The following PCDH15 variants were observed in gnomAD, a reference collection of about 807,000 sequenced individuals.
The protein encoded by PCDH15 is protocadherin related 15.
PCDH15 carries 129 observed loss-of-function variants against 178.5 expected under a neutral mutation model. The ratio of observed to expected loss-of-function variants is 0.72; its 90% CI spans 0.63 to 0.84. The LOEUF is 0.84. PCDH15 is among the 40% of genes least tolerant of loss of function. PCDH15 has a pLI of 0.00. For missense variants in PCDH15, 2,230 were observed against 2,099.9 expected, an observed-to-expected ratio of 1.06 and a Z score of -1.21; for synonymous variants, 800 against 732.0, an observed-to-expected ratio of 1.09 and a Z score of -1.50.
At chr10:54,193,033 T>C (rs2049191521) in intron 11 of PCDH15, among the ~76,000 whole-genome samples, 1 of 152,154 alleles carries the variant, frequency 6.6e-6, no homozygotes, top group Non-Finnish European at 1.5e-5. Context: ...CCAAGATCTG[T>C]CTAAATCCAA....
chr10:54,493,434 T>G (rs2079800261), intron 3 of PCDH15, among the ~76,000 whole-genome samples: 1 of 152,030 alleles, frequency 6.6e-6, no homozygotes, highest in Non-Finnish European at 1.5e-5. Flanking sequence ...ATTGGCATAT[T>G]GTATCCTGTC....
At chr10:54,140,517 G>T (rs2043299387) in intron 14 of PCDH15, among the ~76,000 whole-genome samples, 1 of 151,420 alleles carries the variant, frequency 6.6e-6, no homozygotes, top group Non-Finnish European at 1.5e-5. Context: ...TTGCCAGGAT[G>T]GAGTGCAGTG....
chr10:54,196,275 T>C (rs2049635522), intron 10 of PCDH15, among the ~76,000 whole-genome samples: 2 of 152,116 alleles, frequency 1.3e-5, no homozygotes, highest in Non-Finnish European at 2.9e-5. Flanking sequence ...CCCAAGTAGC[T>C]GGGACTACAG....
At position 55,178,818 on chromosome 10, in the gene PCDH15, C is replaced by T. The variant is rs542901906; in HGVS notation, c.-155-12167G>A. Among the ~76,000 whole-genome samples, 338 of 152,220 alleles carry T rather than the reference C, an allele frequency of 2.2e-3. 1 individual carries two copies. The highest frequency in any genetic ancestry group is 3.6e-3 in the Non-Finnish European group (246 of 68,008). On this transcript the variant is annotated intron_variant, in intron 1 of 5. Transcript: ENST00000458638. ...CATTCTGTTCCTCACCATTAGGTGT[C>T]TTTGCCAAGGACCCCTAATCCTGAA...
chr10:54,024,966 A>T (rs2093038671), intron 18 of PCDH15, among the ~76,000 whole-genome samples: 1 of 152,166 alleles, frequency 6.6e-6, no homozygotes, highest in African/African-American at 2.4e-5. Context: ...TAATACCCTT[A>T]AAAATTTCAG....
chr10:55,234,315 GAGC>G (rs1462036646), intron 1 of PCDH15, among the ~76,000 whole-genome samples: 2 of 151,914 alleles, frequency 1.3e-5, no homozygotes, highest in African/African-American at 4.8e-5. Flanking sequence ...TGTTTTGTAA[GAGC>G]AGATCTTCAT....
intron 7 of PCDH15, among the ~76,000 whole-genome samples, chr10:54,327,606 C>T (rs994379737): frequency 6.6e-5 from 10 of 151,948 alleles, no homozygotes; most frequent in African/African-American, 2.4e-4. Flanking sequence ...TATACACATA[C>T]ACATTCTGTG....
At chr10:53,838,925 C>T (rs112145043) in intron 29 of PCDH15, among the ~76,000 whole-genome samples, 1 of 138,424 alleles carries the variant, frequency 7.2e-6, no homozygotes, top group African/African-American at 2.7e-5. Flanking sequence ...AATTGATGAG[C>T]CAGGCACGGT....
chr10:54,155,804 A>G (rs2045071794), intron 13 of PCDH15, among the ~76,000 whole-genome samples: 1 of 151,982 alleles, frequency 6.6e-6, no homozygotes, highest in Admixed American at 6.6e-5. Flanking sequence ...AAAAAAAAAA[A>G]AAAAAAATCC....
At chr10:54,351,524 A>G (rs1944181286) in intron 5 of PCDH15, among the ~76,000 whole-genome samples, 1 of 152,096 alleles carries the variant, frequency 6.6e-6, no homozygotes, top group African/African-American at 2.4e-5. Flanking sequence ...TATATATATT[A>G]TTTATGCAGA....
At chr10:53,867,870 C>T (rs1181447597) in intron 26 of PCDH15, among the ~76,000 whole-genome samples, 1 of 152,112 alleles carries the variant, frequency 6.6e-6, no homozygotes. Flanking sequence ...TACTATCCGA[C>T]TTCCTTTTTA....
intron 2 of PCDH15, among the ~76,000 whole-genome samples, chr10:54,945,626 T>C (rs1409408751): frequency 6.6e-6 from 1 of 151,612 alleles, no homozygotes; most frequent in East Asian, 1.9e-4. Context: ...AAATTTGTTT[T>C]TATGTTGCTG....
intron 2 of PCDH15, among the ~76,000 whole-genome samples, chr10:55,590,123 C>T (rs1005821924): frequency 6.6e-6 from 1 of 151,462 alleles, no homozygotes; most frequent in Non-Finnish European, 1.5e-5. Context: ...CCATGGAATA[C>T]TATGCAGCCA....
At chr10:53,851,299 T>C (rs2078340298) in intron 28 of PCDH15, among the ~76,000 whole-genome samples, 1 of 152,092 alleles carries the variant, frequency 6.6e-6, no homozygotes, top group South Asian at 2.1e-4. Context: ...AACTTAATAT[T>C]ACATATTTAT....
intron 2 of PCDH15, among the ~76,000 whole-genome samples, chr10:54,585,731 C>G (rs2026411): frequency 0.92 from 140,336 of 152,134 alleles, 65,147 homozygotes; most frequent in Middle Eastern, 0.98. Context: ...CCACAGATAA[C>G]AGCCGCAATC....
chr10:54,570,078 G>A (rs1210689847), intron 2 of PCDH15, among the ~76,000 whole-genome samples: 1 of 151,924 alleles, frequency 6.6e-6, no homozygotes, highest in Non-Finnish European at 1.5e-5. Flanking sequence ...GTGTGTTTGT[G>A]TGAATGCGTT....
At chr10:54,238,768 G>GA (rs200163724) in intron 8 of PCDH15, among the ~76,000 whole-genome samples, 2,667 of 146,780 alleles carry the variant, frequency 0.018, 42 homozygotes, top group African/African-American at 0.037. Context: ...TCCCTAAACT[G>GA]AAAAAAAAAT....
chr10:54,557,834 T>C (rs1001351945), intron 2 of PCDH15, among the ~76,000 whole-genome samples: 2 of 152,156 alleles, frequency 1.3e-5, no homozygotes, highest in Non-Finnish European at 2.9e-5. Context: ...ATCTGACCAT[T>C]AAAACTTTTT....
At chr10:54,862,210 TA>T (rs1041350616) in intron 3 of PCDH15, among the ~76,000 whole-genome samples, 1 of 152,150 alleles carries the variant, frequency 6.6e-6, no homozygotes, top group Admixed American at 6.6e-5. Flanking sequence ...ACAAATTCAG[TA>T]AAAATGCAAT....
Sources: gnomAD v4.1 joint callset for allele counts (sites outside exome capture counted in the v4.1 genomes callset) on GRCh38, gnomAD v4.1.1 for gene constraint, MANE v1.5 for transcripts, NCBI Gene and HGNC (gene_info 2026-07-23, HGNC 2026-07-21) for gene names.